Variants in CFAP157 observed in about 807,000 individuals in gnomAD.
The protein encoded by CFAP157 is cilia- and flagella-associated protein 157.
A neutral mutation model predicts 57.8 loss-of-function variants in CFAP157; 43 were observed. The ratio of observed to expected loss-of-function variants is 0.74; its 90% CI spans 0.58 to 0.96. The LOEUF is 0.96. Ranked by LOEUF, CFAP157 falls within the 40% of genes least tolerant of loss-of-function variation. The pLI is 0.00. For missense variants in CFAP157, 606 were observed against 655.3 expected (o/e 0.92, Z 0.82); for synonymous variants, 267 against 269.0 (o/e 0.99, Z 0.07).
In CFAP157 at chr9:127,714,673, C is replaced by T; in HGVS notation, c.*768C>T. 1.9e-6 allele frequency: 3 copies of T among 1,613,746 alleles called. No homozygotes were observed. The highest frequency in any genetic ancestry group is 2.5e-6 in the Non-Finnish European group (3 of 1,179,842). On this transcript the variant is annotated 3_prime_UTR_variant, in exon 9 of 9. Transcript: ENST00000373295. ...TCCAGCTCATCATGCACCAGGTAGA[C>T]TTCCTCGGCAGTCAGCCCAAACAGC...
chr9:127,714,772 G>T lies in CFAP157; in HGVS notation c.*867G>T. 7.5e-7 allele frequency: 1 copy of T among 1,327,580 alleles called. No homozygotes were observed. Among genetic ancestry groups the T allele is most frequent in the Non-Finnish European group, 1.1e-6 (1 of 941,028 alleles). The allele number at this position is 1,327,580 out of a possible 1,614,324, so 82.2% of individuals were successfully genotyped here. On this transcript the variant is annotated 3_prime_UTR_variant, in exon 9 of 9. Transcript: ENST00000373295. ...AGAGAGGCACTGTCCCGACTCCCAT[G>T]ATGAGGGACCACAACTAATCCCACT...
rs1265384599 is a variant in CFAP157 at position 127,709,408 on chromosome 9, T to G, written c.162-14T>G. On this transcript the variant is annotated splice_polypyrimidine_tract_variant and intron_variant, in intron 1 of 8. Transcript: ENST00000373295. This position sits in a 1 kb window ranked among gnomAD's most constrained non-coding sequence, Gnocchi z 4.7. ...CAGCCTGACCCCTGGACCACGGCTC[T>G]GCCCCTGCCCCAGGTACCAGCGGAA... 5.0e-6 allele frequency: 8 copies of G among 1,611,198 alleles called. No homozygotes were observed. In the East Asian group the frequency reaches 1.1e-4, roughly 22 times the overall value.
rs777527713 is a variant in CFAP157, at chr9:127,715,577, AAC to A, written c.*1676_*1677del. 6.2e-7 allele frequency: 1 copy of A among 1,613,440 alleles called. No individual in the cohort carries two copies. The highest frequency in any genetic ancestry group is 2.2e-5 in the East Asian group (1 of 44,876). On this transcript the variant is annotated 3_prime_UTR_variant, in exon 9 of 9. Transcript: ENST00000373295. This position sits in a 1 kb window ranked among gnomAD's most constrained non-coding sequence, Gnocchi z 5.8. ...GCTTCCCCGGGGGGCGAGGCTCCAA[AAC>A]ACATCGGCTCATGGCTCTACTCAGC...
rs989676857 is a variant in CFAP157, at chr9:127,712,502, A to C, written c.1137+153A>C. 1.2e-5 allele frequency: 17 copies of C among 1,465,656 alleles called. No individual in the cohort carries two copies. In the African/African-American group the frequency reaches 2.4e-4, roughly 21 times the overall value. The allele number at this position is 1,465,656 out of a possible 1,614,324, so 90.8% of individuals were successfully genotyped here. On this transcript the variant is annotated intron_variant, in intron 6 of 8. Coordinates refer to ENST00000373295, the MANE Select transcript of CFAP157 (RefSeq NM_001012502.3). ...CTGTCCTTCGCTGATTCTGGCCTTCAAAGATCCCTCCAAGGTCTTAAAGGA... is the reference window on the plus strand; with the variant it reads ...CTGTCCTTCGCTGATTCTGGCCTTCCAAGATCCCTCCAAGGTCTTAAAGGA...
Position 127,715,790 on chromosome 9 carries a change from G to A in CFAP157, c.*1885G>A. 3.4e-6 allele frequency: 5 copies of A among 1,464,184 alleles called. 1 individual carries two copies. The highest frequency in any genetic ancestry group is 9.1e-7 in the Non-Finnish European group (1 of 1,100,064). 90.7% of individuals were successfully genotyped at this position (1,464,184 alleles called of 1,614,324 possible). A position where few individuals can be genotyped will look rare whatever the true frequency, so the allele number is the denominator to read the frequency against. On this transcript the variant is annotated 3_prime_UTR_variant, in exon 9 of 9. Transcript: ENST00000373295. This position sits in a 1 kb window ranked among gnomAD's most constrained non-coding sequence, Gnocchi z 5.8. The stretch of plus-strand genomic sequence containing the variant: ...TCTGAGGGGCGGAAGCGGCGAGGCG[G>A]TGGCCGAGTCCGGGAACCCAGGCGC...
intron 5 of CFAP157, 63 bp from the exon 6 acceptor site, chr9:127,712,136 C>A (rs935582456): frequency 1.3e-6 from 2 of 1,587,884 alleles, no homozygotes; most frequent in East Asian, 2.3e-5. Flanking sequence ...GGGCCCCTGG[C>A]CCCAGGTGGC....
chr9:127,714,932 A>ACCCCCTTGGGCCCCCCCCCCCC lies in CFAP157; in HGVS notation c.*1036_*1037insGCCCCCCCCCCCCCCCCCTTGG. Reference sequence around the variant, plus strand: ...CTCTGGCCCCCGCGCCCCAACCCCCACCCCCTTGGCCCGCCCGCCCACCCC... The same window carrying ACCCCCTTGGGCCCCCCCCCCCC: ...CTCTGGCCCCCGCGCCCCAACCCCCACCCCCTTGGGCCCCCCCCCCCCCCCCCTTGGCCCGCCCGCCCACCCC... On this transcript the variant is annotated 3_prime_UTR_variant, in exon 9 of 9. Coordinates refer to ENST00000373295, the MANE Select transcript of CFAP157 (RefSeq NM_001012502.3). 1 of 256,396 alleles carries ACCCCCTTGGGCCCCCCCCCCCC rather than the reference A, an allele frequency of 3.9e-6. No homozygotes were observed. The allele number at this position is 256,396 out of a possible 1,614,324, so 15.9% of individuals were successfully genotyped here. A position where few individuals can be genotyped will look rare whatever the true frequency, so the allele number is the denominator to read the frequency against.
chr9:127,710,843 G>A (rs1046053615), intron 3 of CFAP157, 89 bp downstream of exon 3: 1 of 1,433,076 alleles, frequency 7.0e-7, no homozygotes, highest in African/African-American at 1.4e-5. Context: ...GCTTCTAACT[G>A]GGGGGTTAGA....
rs752289193 is a variant in CFAP157, at chr9:127,707,124, G to A, written c.93G>A (p.Pro31=). The change falls in exon 1 of 9, where the codon CCG becomes CCA. Residue 31 remains proline (P), a synonymous_variant. Coordinates refer to ENST00000373295, the MANE Select transcript of CFAP157 (RefSeq NM_001012502.3). ...AGGAGCCGGTGGTGGCCGTGGAGCC[G>A]CCTCTGGCCAAGGAGATGAAGGAGT... ...GKKEPVVAVE[P]PLAKEMKEFY... is the part of the protein sequence containing the mutation. 8.7e-6 allele frequency: 14 copies of A among 1,613,560 alleles called. No homozygotes were observed. In the Admixed American group the frequency reaches 1.7e-4, roughly 19 times the overall value.
chr9:127,708,122 C>A (rs1842687670), intron 1 of CFAP157, among the ~76,000 whole-genome samples: 1 of 152,188 alleles, frequency 6.6e-6, no homozygotes, highest in African/African-American at 2.4e-5. Context: ...CAGCCCCCAC[C>A]CCTGAAATGC....
In CFAP157 at chr9:127,715,185, G is replaced by C; in HGVS notation, c.*1280G>C. On this transcript the variant is annotated 3_prime_UTR_variant, in exon 9 of 9. Transcript: ENST00000373295. The surrounding 1 kb of genome is among the most constrained non-coding windows in gnomAD (Gnocchi z 5.8). ...GTGCCGGGCAGTCCGGGATTCCCCA[G>C]GCCAGCCACCTGCGGGCGGCACCAG... 2 of 1,527,308 alleles carry C rather than the reference G, an allele frequency of 1.3e-6. No homozygotes were observed. The highest frequency in any genetic ancestry group is 1.7e-4 in the Middle Eastern group (1 of 5,932). The allele number at this position is 1,527,308 out of a possible 1,614,324, so 94.6% of individuals were successfully genotyped here.
At position 127,709,973 on chromosome 9, in the gene CFAP157, T is replaced by C. The variant is rs1842726607; in HGVS notation, c.433+280T>C. On this transcript the variant is annotated intron_variant, in intron 2 of 8. Transcript: ENST00000373295. This position sits in a 1 kb window ranked among gnomAD's most constrained non-coding sequence, Gnocchi z 4.7. ...GCATTAGAACCTAGCCCAGAGAATATATACAGTCCAGCTGCTGGCTGGGCG... is the reference window on the plus strand; with the variant it reads ...GCATTAGAACCTAGCCCAGAGAATACATACAGTCCAGCTGCTGGCTGGGCG... 6.6e-6 allele frequency among the ~76,000 whole-genome samples: 1 copy of C among 152,144 alleles called. No homozygotes were observed. The highest frequency in any genetic ancestry group is 1.5e-5 in the Non-Finnish European group (1 of 68,026).
At chr9:127,710,540 C>A (rs1178616253) in intron 2 of CFAP157, 61 bp from the exon 3 acceptor site, 17 of 1,544,124 alleles carry the variant, frequency 1.1e-5, no homozygotes, top group Non-Finnish European at 1.5e-5. Context: ...CTTTAAGGTC[C>A]TCGCCAGGCC....
chr9:127,714,780 AC>A lies in CFAP157; in HGVS notation c.*877del. On this transcript the variant is annotated 3_prime_UTR_variant, in exon 9 of 9. Coordinates refer to ENST00000373295, the MANE Select transcript of CFAP157 (RefSeq NM_001012502.3). The stretch of plus-strand genomic sequence containing the variant: ...ACTGTCCCGACTCCCATGATGAGGG[AC>A]CACAACTAATCCCACTTCACATATA... The A allele has an allele frequency of 8.0e-7, 1 of 1,255,432 alleles. No homozygotes were observed. Among genetic ancestry groups the A allele is most frequent in the Non-Finnish European group, 1.1e-6 (1 of 876,922 alleles). The allele number at this position is 1,255,432 out of a possible 1,614,324, so 77.8% of individuals were successfully genotyped here.
rs1210650858 is a variant in CFAP157 at position 127,714,106 on chromosome 9, C to A, written c.*201C>A. The A allele has an allele frequency of 1.9e-6, 3 of 1,612,326 alleles. No homozygotes were observed. Among genetic ancestry groups the A allele is most frequent in the Admixed American group, 3.3e-5 (2 of 59,804 alleles). Reference sequence around the variant, plus strand: ...GCAGCCATGGCCACTAGTGTCACGGCCCCAGTGAGGGCCCCTGGCTTCGCT... The same window carrying A: ...GCAGCCATGGCCACTAGTGTCACGGACCCAGTGAGGGCCCCTGGCTTCGCT... On this transcript the variant is annotated 3_prime_UTR_variant, in exon 9 of 9. Coordinates refer to ENST00000373295, the MANE Select transcript of CFAP157 (RefSeq NM_001012502.3).
At position 127,713,168 on chromosome 9, in the gene CFAP157, A is replaced by T. The variant is rs1842808068; in HGVS notation, c.1453A>T (p.Thr485Ser). The T allele has an allele frequency of 6.3e-7, 1 of 1,587,112 alleles. No individual in the cohort carries two copies. The highest frequency in any genetic ancestry group is 8.6e-7 in the Non-Finnish European group (1 of 1,166,026). Residue 485 changes from threonine to serine, a missense_variant, in exon 8 of 9, where the codon ACC (threonine) becomes TCC (serine). By Grantham distance (58) the Thr-to-Ser change is moderately conservative. Coordinates refer to ENST00000373295, the MANE Select transcript of CFAP157 (RefSeq NM_001012502.3). ...GGACCTCAGGCTGCTGTCATATATC[A>T]CCCGTGTGGGGACCTTCCGGGCACA... ...PQDLRLLSYI[T>S]RVGTFRAHSS... is the part of the protein sequence containing the mutation.
Position 127,715,968 on chromosome 9 carries a change from T to C in CFAP157, c.*2063T>C. 1.1e-6 allele frequency: 1 copy of C among 931,700 alleles called. No homozygotes were observed. The highest frequency in any genetic ancestry group is 1.6e-6 in the Non-Finnish European group (1 of 607,654). 57.7% of individuals were successfully genotyped at this position (931,700 alleles called of 1,614,324 possible). A position where few individuals can be genotyped will look rare whatever the true frequency, so the allele number is the denominator to read the frequency against. ...GCAAGTCCTTTCCCCGCTGTAGGCCTCAACCTCTCCAGCTAATAAAAGTTT... is the reference window on the plus strand; with the variant it reads ...GCAAGTCCTTTCCCCGCTGTAGGCCCCAACCTCTCCAGCTAATAAAAGTTT... On this transcript the variant is annotated 3_prime_UTR_variant, in exon 9 of 9. Coordinates refer to ENST00000373295, the MANE Select transcript of CFAP157 (RefSeq NM_001012502.3). This position sits in a 1 kb window ranked among gnomAD's most constrained non-coding sequence, Gnocchi z 5.8.
In CFAP157 at chr9:127,711,886, C is replaced by T. The variant is rs550150827; in HGVS notation, c.922C>T (p.Arg308Cys). 7.0e-5 allele frequency: 111 copies of T among 1,595,004 alleles called. No individual in the cohort carries two copies. The East Asian group carries it at 1.4e-3, about 20-fold the overall frequency. The change falls in exon 5 of 9, where the codon CGC becomes TGC. Residue 308 changes from arginine to cysteine, a missense_variant. Coordinates refer to ENST00000373295, the MANE Select transcript of CFAP157 (RefSeq NM_001012502.3). Reference protein sequence around the residue: ...QQDTKEAEELRLLLSQLEQRS... With the variant: ...QQDTKEAEELCLLLSQLEQRS... ...GGACACCAAGGAGGCCGAGGAGCTG[C>T]GCCTCCTGCTGAGCCAGTTGGAGCA... is the stretch of plus-strand genomic sequence containing the variant.
chr9:127,713,404 G>T, intron 8 of CFAP157, 198 bp downstream of exon 8: 1 of 511,042 alleles, frequency 2.0e-6, no homozygotes, highest in Middle Eastern at 5.0e-4. Flanking sequence ...CCCTGGGAGG[G>T]GGGTTGGCTG....
Sources: gnomAD v4.1 joint callset for allele counts (sites outside exome capture counted in the v4.1 genomes callset) on GRCh38, gnomAD v4.1.1 for gene constraint, Gnocchi (gnomAD v3.1) non-coding constraint, MANE v1.5 for transcripts, NCBI Gene and HGNC (gene_info 2026-07-23, HGNC 2026-07-21) for gene names.